KLC1: variants seen among roughly 807,000 people sequenced by gnomAD.
KLC1 encodes the protein kinesin light chain 1, also known as kinesin 2 60/70kDa.
KLC1 carries 30 observed loss-of-function variants against 84.2 expected under a neutral mutation model. The observed-to-expected ratio is 0.36, with a 90% CI of 0.27 to 0.48. The LOEUF (loss-of-function observed/expected upper bound fraction) is 0.48, where lower values mean the gene tolerates loss of function less well. Among genes scored for constraint, KLC1 ranks in the 20% least tolerant of loss-of-function variants. The pLI, the probability that KLC1 is intolerant of heterozygous loss-of-function variation, is 0.99. For missense variants in KLC1, 499 were observed against 805.4 expected (o/e 0.62, Z 4.60); for synonymous variants, 289 against 293.3 (o/e 0.99, Z 0.15).
At chr14:103,678,146 C>T (rs1448445362) in intron 12 of KLC1, among the ~76,000 whole-genome samples, 1 of 152,202 alleles carries the variant, frequency 6.6e-6, no homozygotes, top group Non-Finnish European at 1.5e-5. Context: ...GCCTGTAGTC[C>T]CAGCTACTGG....
At chr14:103,668,623 G>T (rs1047309869) in intron 5 of KLC1, among the ~76,000 whole-genome samples, 1 of 151,736 alleles carries the variant, frequency 6.6e-6, no homozygotes, top group East Asian at 1.9e-4. Context: ...GACAACAGGC[G>T]CATGCTGCCA....
chr14:103,651,445 G>A (rs1465470431), intron 1 of KLC1, among the ~76,000 whole-genome samples: 1 of 152,116 alleles, frequency 6.6e-6, no homozygotes, highest in Non-Finnish European at 1.5e-5. Flanking sequence ...TATAGTGAGT[G>A]TAGGAGTTTA....
At chr14:103,655,293 T>A (rs1448776850) in intron 2 of KLC1, among the ~76,000 whole-genome samples, 1 of 152,156 alleles carries the variant, frequency 6.6e-6, no homozygotes. Context: ...GATTTGGGCC[T>A]ATCAGAATTG....
intron 3 of KLC1, among the ~76,000 whole-genome samples, chr14:103,659,241 A>G (rs2079091982): frequency 6.6e-6 from 1 of 152,244 alleles, no homozygotes; most frequent in Admixed American, 6.5e-5. Flanking sequence ...CTGGGATTAC[A>G]GGCGTGAGCC....
chr14:103,637,552 C>G (rs1479491705), intron 1 of KLC1, among the ~76,000 whole-genome samples: 3 of 151,822 alleles, frequency 2.0e-5, no homozygotes, highest in African/African-American at 7.3e-5. Flanking sequence ...GAAATTTTCG[C>G]AGGGTTTATT....
rs180891491 is a variant in KLC1 at position 103,633,918 on chromosome 14, G to C, written c.-2+4424G>C. Among the ~76,000 whole-genome samples the C allele has an allele frequency of 9.3e-4, 141 of 152,092 alleles. 1 individual carries two copies. The highest frequency in any genetic ancestry group is 3.4e-3 in the Middle Eastern group (1 of 294). ...GAGTCTCGCTCTGTCACCCAGGATG[G>C]AGTGCAGTGGCATGATCTCAGCTCA... On this transcript the variant is annotated intron_variant, in intron 1 of 16. Transcript: ENST00000334553.
chr14:103,646,803 G>C (rs2093136355), intron 1 of KLC1, among the ~76,000 whole-genome samples: 1 of 151,898 alleles, frequency 6.6e-6, no homozygotes, highest in African/African-American at 2.4e-5. Flanking sequence ...GTAGAGATGG[G>C]GTCTTGCTGT....
intron 16 of KLC1, 66 bp from the exon 17 acceptor site, chr14:103,701,135 G>A: frequency 6.5e-7 from 1 of 1,542,396 alleles, no homozygotes; most frequent in Non-Finnish European, 8.8e-7. Context: ...GCTGTTTCCA[G>A]AACAGAACTT....
Position 103,670,211 on chromosome 14 carries a change from C to A in KLC1, c.915C>A (p.Val305=). ...AVAATLNNLA[V]LYGKRGKYKE... ...CGGCGACTTTGAATAACCTTGCAGT[C>A]CTTTATGGTAAAAGAGGGAAGTACA... Residue 305 remains valine (V), a synonymous_variant, in exon 7 of 17, where the codon GTC becomes GTA. Coordinates refer to ENST00000334553, the MANE Select transcript of KLC1 (RefSeq NM_001394837.1). 6.2e-7 allele frequency: 1 copy of A among 1,613,360 alleles called. No individual in the cohort carries two copies. The highest frequency in any genetic ancestry group is 1.1e-5 in the South Asian group (1 of 91,026).
intron 1 of KLC1, among the ~76,000 whole-genome samples, chr14:103,633,700 C>T (rs2151263555): frequency 6.6e-6 from 1 of 152,214 alleles, no homozygotes; most frequent in South Asian, 2.1e-4. Flanking sequence ...TTTTCATCTT[C>T]CTGCTCTGGC....
chr14:103,679,451 G>C lies in KLC1; in HGVS notation c.1556G>C (p.Arg519Pro). 1.2e-6 allele frequency: 2 copies of C among 1,614,186 alleles called. No homozygotes were observed. The highest frequency in any genetic ancestry group is 1.7e-6 in the Non-Finnish European group (2 of 1,180,042). Residue 519 changes from arginine (R) to proline (P), a missense_variant, in exon 13 of 17, where the codon CGC becomes CCC. Transcript: ENST00000334553. ...AATGACCCTGAGAACATGGAGAAGC[G>C]CAGGAGCCGTGAGAGCCTCAACGTG... ...VLNDPENMEK[R>P]RSRESLNVDV...
At chr14:103,639,946 G>C (rs2077359141) in intron 1 of KLC1, among the ~76,000 whole-genome samples, 1 of 151,640 alleles carries the variant, frequency 6.6e-6, no homozygotes, top group Non-Finnish European at 1.5e-5. Context: ...TTTAGGATGG[G>C]GTTTTGCCAT....
chr14:103,660,206 C>T (rs1595400628), intron 3 of KLC1, among the ~76,000 whole-genome samples: 1 of 152,270 alleles, frequency 6.6e-6, no homozygotes, highest in South Asian at 2.1e-4. Flanking sequence ...TGTGGCTGGG[C>T]GCAGTGGCTC....
intron 7 of KLC1, among the ~76,000 whole-genome samples, chr14:103,672,783 A>G (rs1220344409): frequency 6.6e-6 from 1 of 152,248 alleles, no homozygotes; most frequent in Non-Finnish European, 1.5e-5. Context: ...ACAGTAATTA[A>G]CACAGCTAAA....
At chr14:103,630,026 C>T (rs2076554252) in intron 1 of KLC1, among the ~76,000 whole-genome samples, 1 of 152,172 alleles carries the variant, frequency 6.6e-6, no homozygotes, top group Non-Finnish European at 1.5e-5. Context: ...GCGGACGCGC[C>T]TGTCATTCTC....
In KLC1 at chr14:103,679,535, A is replaced by C. The variant is rs1392087670; in HGVS notation, c.1640A>C (p.Glu547Ala). ...DGGEEVSMSV[E>A]WNGDGTGSLK... ...GGGGAGGAAGTGAGTATGAGCGTAG[A>C]GTGGAACGGGGTAAGTACAGTACAC... Residue 547 changes from glutamate (E) to alanine (A), a missense_variant, in exon 13 of 17, where the codon GAG becomes GCG. Coordinates refer to ENST00000334553, the MANE Select transcript of KLC1 (RefSeq NM_001394837.1). 1.9e-6 allele frequency: 3 copies of C among 1,613,744 alleles called. No individual in the cohort carries two copies. The Admixed American group carries it at 5.0e-5, about 27-fold the overall frequency.
chr14:103,680,751 C>T (rs571439839), intron 13 of KLC1, among the ~76,000 whole-genome samples: 1 of 152,198 alleles, frequency 6.6e-6, no homozygotes, highest in African/African-American at 2.4e-5. Flanking sequence ...GTACTCTTCT[C>T]TTGGTTGCTG....
chr14:103,698,804 G>A (rs1259936695), intron 15 of KLC1: 3 of 1,596,834 alleles, frequency 1.9e-6, no homozygotes, highest in Non-Finnish European at 2.6e-6. Context: ...CGTGTCAGTG[G>A]GACTGGGTCC....
Position 103,701,181 on chromosome 14 carries a change from C to CCTT in KLC1, c.*2-17_*2-15dup, listed in dbSNP as rs2083169420. On this transcript the variant is annotated intron_variant, in intron 16 of 16. Coordinates refer to ENST00000334553, the MANE Select transcript of KLC1 (RefSeq NM_001394837.1). ...TCAGGTTTTGGCGGCCCAGCCCTGA[C>CCTT]CTTCTATCTTCTCTTGCAGTGACCC... 1 of 1,550,616 alleles carries CCTT rather than the reference C, an allele frequency of 6.4e-7. No individual in the cohort carries two copies. The highest frequency in any genetic ancestry group is 1.2e-5 in the South Asian group (1 of 83,970).
Sources: allele counts gnomAD v4.1 joint callset (sites outside exome capture counted in the v4.1 genomes callset), GRCh38; gene constraint gnomAD v4.1.1; transcripts MANE v1.5; gene names NCBI Gene and HGNC (gene_info 2026-07-23, HGNC 2026-07-21).